ETV6: variants seen among roughly 807,000 people sequenced by gnomAD.
The protein encoded by ETV6 is transcription factor ETV6.
Under a neutral mutation model 51.1 loss-of-function variants are expected in ETV6, and 16 were observed. The observed-to-expected ratio is 0.31, with a 90% CI of 0.21 to 0.48. ETV6 has a LOEUF of 0.48. Ranked by LOEUF, ETV6 falls within the 20% of genes least tolerant of loss-of-function variation. The pLI, the probability that ETV6 is intolerant of heterozygous loss-of-function variation, is 0.99. For missense variants in ETV6, 458 were observed against 594.8 expected (o/e 0.77, Z 2.39); for synonymous variants, 240 against 224.1 (o/e 1.07, Z -0.64).
At chr12:11,652,750 GAGT>G (rs1442888957) in intron 1 of ETV6, among the ~76,000 whole-genome samples, 1 of 152,238 alleles carries the variant, frequency 6.6e-6, no homozygotes, top group Non-Finnish European at 1.5e-5. Context: ...TGCTAGAAAA[GAGT>G]AGTGTCCGAT....
rs939938355 is a variant in ETV6 at position 11,893,234 on chromosome 12, AT to A, written c.*2194del. ...TGATTTTAAGAATGGAGAGAAAGGG[AT>A]TTTTTACTGCATCCCTCTGTATGAA... On this transcript the variant is annotated 3_prime_UTR_variant, in exon 8 of 8. Coordinates refer to ENST00000396373, the MANE Select transcript of ETV6 (RefSeq NM_001987.5). 2 of 232,552 alleles carry A rather than the reference AT, an allele frequency of 8.6e-6. No homozygotes were observed. The highest frequency in any genetic ancestry group is 4.4e-5 in the African/African-American group (2 of 45,264). The allele number at this position is 232,552 out of a possible 1,614,324, so 14.4% of individuals were successfully genotyped here.
chr12:11,765,199 A>G (rs1185257396), intron 2 of ETV6, among the ~76,000 whole-genome samples: 5 of 152,232 alleles, frequency 3.3e-5, no homozygotes, highest in Admixed American at 3.3e-4. Flanking sequence ...AGTGAACTAT[A>G]TGACTCTCCC....
chr12:11,655,024 C>T (rs1194232992), intron 1 of ETV6, among the ~76,000 whole-genome samples: 1 of 152,208 alleles, frequency 6.6e-6, no homozygotes, highest in Non-Finnish European at 1.5e-5. Flanking sequence ...AAGTCACATT[C>T]TGCTCCTCTG....
chr12:11,892,477 C>T lies in ETV6; in HGVS notation c.*1431C>T, dbSNP rs930690488. On this transcript the variant is annotated 3_prime_UTR_variant, in exon 8 of 8. Transcript: ENST00000396373. ...TTGTAAAATGAGGGTAGTGCCACTT[C>T]TTAGTATTTTTGAAAGCTGTTTTAG... The T allele has an allele frequency of 8.7e-6, 2 of 231,096 alleles. No individual in the cohort carries two copies. The highest frequency in any genetic ancestry group is 1.7e-5 in the Non-Finnish European group (2 of 117,498). The allele number at this position is 231,096 out of a possible 1,614,324, so 14.3% of individuals were successfully genotyped here. A position where few individuals can be genotyped will look rare whatever the true frequency, so the allele number is the denominator to read the frequency against.
At chr12:11,656,252 G>C (rs977850143) in intron 1 of ETV6, among the ~76,000 whole-genome samples, 2 of 152,192 alleles carry the variant, frequency 1.3e-5, no homozygotes, top group African/African-American at 2.4e-5. Context: ...CTAAGACCTC[G>C]CAGGCTGTAA....
chr12:11,655,553 GGGGCATCTCA>G (rs1863985204), intron 1 of ETV6, among the ~76,000 whole-genome samples: 1 of 152,150 alleles, frequency 6.6e-6, no homozygotes, highest in Admixed American at 6.5e-5. Context: ...GTTGCTTACT[GGGGCATCTCA>G]GGGAACGTTC....
intron 1 of ETV6, among the ~76,000 whole-genome samples, chr12:11,675,945 TAAAAG>T (rs1399356454): frequency 6.6e-6 from 1 of 151,688 alleles, no homozygotes; most frequent in East Asian, 1.9e-4. Context: ...AGAAAGAAAA[TAAAAG>T]AAAGGGAAAG....
At chr12:11,829,314 A>G (rs75769885) in intron 2 of ETV6, among the ~76,000 whole-genome samples, 1,607 of 152,332 alleles carry the variant, frequency 0.011, 27 homozygotes, top group African/African-American at 0.036. Flanking sequence ...GCACTGTGCA[A>G]CATCTCTATA....
chr12:11,730,890 A>G (rs1168061635), intron 1 of ETV6, among the ~76,000 whole-genome samples: 1 of 152,166 alleles, frequency 6.6e-6, no homozygotes, highest in Non-Finnish European at 1.5e-5. Flanking sequence ...CGTTTCCCAA[A>G]TGTGGGTACA....
At chr12:11,737,622 G>C (rs1333981148) in intron 1 of ETV6, among the ~76,000 whole-genome samples, 1 of 152,180 alleles carries the variant, frequency 6.6e-6, no homozygotes, top group Non-Finnish European at 1.5e-5. Context: ...TTGTCTTATG[G>C]TGAGACAATG....
At chr12:11,740,006 ATAAGAG>A (rs1865780549) in intron 1 of ETV6, among the ~76,000 whole-genome samples, 1 of 152,234 alleles carries the variant, frequency 6.6e-6, no homozygotes, top group Non-Finnish European at 1.5e-5. Context: ...ATAGGTTTTA[ATAAGAG>A]TAAGTTAATT....
chr12:11,773,879 G>C (rs368900187), intron 2 of ETV6, among the ~76,000 whole-genome samples: 3 of 152,328 alleles, frequency 2.0e-5, no homozygotes, highest in African/African-American at 7.2e-5. Flanking sequence ...GGCATCACCC[G>C]ATGTGGTGGA....
intron 2 of ETV6, among the ~76,000 whole-genome samples, chr12:11,782,603 GAC>G (rs1945428626): frequency 6.6e-6 from 1 of 152,166 alleles, no homozygotes; most frequent in South Asian, 2.1e-4. Flanking sequence ...AATGTGGAAA[GAC>G]AGAGGGATTG....
In ETV6 at chr12:11,891,679, G is replaced by C. The variant is rs945755605; in HGVS notation, c.*633G>C. On this transcript the variant is annotated 3_prime_UTR_variant, in exon 8 of 8. Coordinates refer to ENST00000396373, the MANE Select transcript of ETV6 (RefSeq NM_001987.5). The stretch of plus-strand genomic sequence containing the variant: ...CTCTCTCTTGCTCTGTTCTTCCCTT[G>C]GTCCCCTCTGTCCTCCCGCCCTGCC... 4 of 501,558 alleles carry C rather than the reference G, an allele frequency of 8.0e-6. No individual in the cohort carries two copies. The highest frequency in any genetic ancestry group is 6.8e-5 in the South Asian group (4 of 59,126). 31.1% of individuals were successfully genotyped at this position (501,558 alleles called of 1,614,324 possible). A position where few individuals can be genotyped will look rare whatever the true frequency, so the allele number is the denominator to read the frequency against.
chr12:11,650,222 T>C lies in ETV6; in HGVS notation c.33+62T>C, dbSNP rs72547265. Reference sequence around the variant, plus strand: ...CCCTGAGCTGCACCGGCCAGGGCAGTCGTGCTGGGCTCCTCAGAGCAGGCT... The same window carrying C: ...CCCTGAGCTGCACCGGCCAGGGCAGCCGTGCTGGGCTCCTCAGAGCAGGCT... On this transcript the variant is annotated intron_variant, in intron 1 of 7. Transcript: ENST00000396373. The C allele has an allele frequency of 1.3e-5, 18 of 1,426,680 alleles. 1 individual carries two copies. The Admixed American group carries it at 2.5e-4, about 20-fold the overall frequency. The allele number at this position is 1,426,680 out of a possible 1,614,324, so 88.4% of individuals were successfully genotyped here. A position where few individuals can be genotyped will look rare whatever the true frequency, so the allele number is the denominator to read the frequency against.
chr12:11,765,309 G>A (rs1477218409), intron 2 of ETV6, among the ~76,000 whole-genome samples: 1 of 152,050 alleles, frequency 6.6e-6, no homozygotes, highest in East Asian at 1.9e-4. Context: ...CCATTCCAAT[G>A]CAATCTAATT....
chr12:11,655,900 AAACTT>A (rs1328797838), intron 1 of ETV6, among the ~76,000 whole-genome samples: 2 of 152,252 alleles, frequency 1.3e-5, no homozygotes, highest in African/African-American at 2.4e-5. Context: ...TGCATTTCTG[AAACTT>A]TGTAAATTCT....
intron 1 of ETV6, among the ~76,000 whole-genome samples, chr12:11,711,600 A>G (rs150140391): frequency 1.2e-3 from 180 of 152,324 alleles, no homozygotes; most frequent in African/African-American, 4.2e-3. Context: ...ATTGTGTGCC[A>G]TTGTTTTCTG....
At chr12:11,823,802 A>G (rs576710990) in intron 2 of ETV6, among the ~76,000 whole-genome samples, 2 of 151,742 alleles carry the variant, frequency 1.3e-5, no homozygotes, top group African/African-American at 4.8e-5. Context: ...TCTTCACTAG[A>G]ATCGTTCCTT....
Sources: allele counts gnomAD v4.1 joint callset (sites outside exome capture counted in the v4.1 genomes callset), GRCh38; gene constraint gnomAD v4.1.1; transcripts MANE v1.5; gene names NCBI Gene and HGNC (gene_info 2026-07-23, HGNC 2026-07-21).